The following NEB variants were observed in gnomAD, a reference collection of about 807,000 sequenced individuals.
The protein encoded by NEB is nemaline myopathy type 2.
Under a neutral mutation model 952.2 loss-of-function variants are expected in NEB, and 512 were observed. That is an observed-to-expected ratio of 0.54 (90% CI 0.50 to 0.58). The LOEUF is 0.58. Ranked by LOEUF, NEB falls within the 20% of genes least tolerant of loss-of-function variation. NEB has a pLI of 0.00. For missense variants in NEB, 8,428 were observed against 9,231.1 expected (o/e 0.91, Z 3.56); for synonymous variants, 2,900 against 3,149.8 (o/e 0.92, Z 2.66).
At chr2:151,541,179 G>A (rs927854609) in intron 136 of NEB, among the ~76,000 whole-genome samples, 1 of 152,098 alleles carries the variant, frequency 6.6e-6, no homozygotes, top group Non-Finnish European at 1.5e-5. Flanking sequence ...AGATTCTATA[G>A]AATGATCAAG....
In NEB at chr2:151,568,601, A is replaced by G. The variant is rs1283617493; in HGVS notation, c.17634+17T>C. 1 of 1,580,958 alleles carries G rather than the reference A, an allele frequency of 6.3e-7. No homozygotes were observed. The highest frequency in any genetic ancestry group is 8.6e-7 in the Non-Finnish European group (1 of 1,156,786). On this transcript the variant is annotated intron_variant, in intron 111 of 181. Coordinates refer to ENST00000397345, the MANE Select transcript of NEB (RefSeq NM_001164508.2). ...TATCTGCATCACTGTGAGATTTTAA[A>G]ACAGCCATATACTTACATCATCGAG...
At chr2:151,727,529 A>T (rs928075007) in intron 5 of NEB, among the ~76,000 whole-genome samples, 162 bp downstream of exon 5, 2 of 152,232 alleles carry the variant, frequency 1.3e-5, no homozygotes, top group Non-Finnish European at 2.9e-5. Flanking sequence ...GAATTACATA[A>T]AAGGAAAATT....
chr2:151,672,183 T>C (rs35134482), intron 37 of NEB, among the ~76,000 whole-genome samples, 186 bp downstream of exon 37: 3,768 of 152,294 alleles, frequency 0.025, 69 homozygotes, highest in Middle Eastern at 0.071. Context: ...TCAATAATTA[T>C]GATATAAGCA....
intron 110 of NEB, among the ~76,000 whole-genome samples, 197 bp downstream of exon 110, chr2:151,569,071 T>G (rs548535400): frequency 2.0e-5 from 3 of 152,292 alleles, no homozygotes; most frequent in African/African-American, 4.8e-5. Context: ...CATCAGTGAG[T>G]GTGCTGGATA....
intron 38 of NEB, among the ~76,000 whole-genome samples, chr2:151,670,251 C>G (rs2154188386): frequency 6.6e-6 from 1 of 152,320 alleles, no homozygotes; most frequent in Non-Finnish European, 1.5e-5. Flanking sequence ...AAATCCAAGG[C>G]AAGCAAAGCA....
At chr2:151,630,171 T>C (rs190253948) in intron 67 of NEB, among the ~76,000 whole-genome samples, 10 of 152,316 alleles carry the variant, frequency 6.6e-5, no homozygotes, top group African/African-American at 2.2e-4. Context: ...ATCACAACTT[T>C]CTAAATTTTG....
intron 13 of NEB, among the ~76,000 whole-genome samples, chr2:151,702,309 G>T (rs967267310): frequency 2.0e-5 from 3 of 151,972 alleles, no homozygotes; most frequent in African/African-American, 7.3e-5. Context: ...TTTGGAATAG[G>T]TGTGGTGTGG....
At position 151,639,248 on chromosome 2, in the gene NEB, C is replaced by T. The variant is rs78276723; in HGVS notation, c.8994+32G>A. 2,299 of 1,440,344 alleles carry T rather than the reference C, an allele frequency of 1.6e-3. 48 individuals are homozygous for T. In the African/African-American group the frequency reaches 0.029, roughly 18 times the overall value. 89.2% of individuals were successfully genotyped at this position (1,440,344 alleles called of 1,614,324 possible). On this transcript the variant is annotated intron_variant, in intron 63 of 181. Transcript: ENST00000397345. ...AGAGTAGATCAACTGAAATAAGCAG[C>T]AGTGTGCAAATGTCAAAGAATCTGC...
In NEB at chr2:151,691,782, C is replaced by T. The variant is rs2099553278; in HGVS notation, c.2211+82G>A. 1.1e-5 allele frequency: 11 copies of T among 1,027,690 alleles called. No homozygotes were observed. In the South Asian group the frequency reaches 1.4e-4, roughly 13 times the overall value. The allele number at this position is 1,027,690 out of a possible 1,614,324, so 63.7% of individuals were successfully genotyped here. On this transcript the variant is annotated intron_variant, in intron 23 of 181. Coordinates refer to ENST00000397345, the MANE Select transcript of NEB (RefSeq NM_001164508.2). ...TCTCCTTCTAATCACTAGATATTAG[C>T]ATGTAAACTCCTGCTAAATTTACCA...
Position 151,663,562 on chromosome 2 carries a change from G to A in NEB, c.5749C>T (p.Gln1917Ter). Residue 1917 changes from glutamine to a stop codon, truncating the protein, a stop_gained, in exon 45 of 182, where the codon CAG (glutamine) becomes TAG (stop). Coordinates refer to ENST00000397345, the MANE Select transcript of NEB (RefSeq NM_001164508.2). LOFTEE classifies it high-confidence loss of function. Reference protein sequence around the residue: ...MSFELAKNMMQIQSDNQYKAD... With the variant: ...MSFELAKNMM ...TTTTCACGTACATCACTTTGAATCT[G>A]CATCATATTTTTGGCCAATTCAAAG... is the stretch of plus-strand genomic sequence containing the variant. 6.2e-7 allele frequency: 1 copy of A among 1,609,264 alleles called. No homozygotes were observed.
Position 151,527,484 on chromosome 2 carries a change from G to A in NEB, c.21837C>T (p.Ser7279=), listed in dbSNP as rs759583403. Residue 7279 remains serine, a synonymous_variant, in exon 147 of 182, where the codon AGC becomes AGT. Transcript: ENST00000397345. ...LQAAKSSLQQ[S]DFEYKLDREF... is the part of the protein sequence containing the mutation. ...GTCTGTGTCTCTCCTGTCTTACATC[G>A]CTTTGCTGCAGGGATGACTTGGCAG... The A allele has an allele frequency of 6.2e-6, 10 of 1,610,640 alleles. No homozygotes were observed. Among genetic ancestry groups the A allele is most frequent in the African/African-American group, 2.7e-5 (2 of 74,954 alleles).
intron 52 of NEB, 132 bp downstream of exon 52, chr2:151,653,860 G>T: frequency 3.6e-6 from 2 of 551,084 alleles, no homozygotes; most frequent in South Asian, 3.2e-5. Flanking sequence ...CCGGATAAAT[G>T]AAGAGGGTAG....
At chr2:151,523,856 T>C (rs760185094) in intron 153 of NEB, among the ~76,000 whole-genome samples, 4 of 151,876 alleles carry the variant, frequency 2.6e-5, no homozygotes, top group African/African-American at 4.8e-5. Context: ...CCCTACTTCC[T>C]AGCCCGGGCA....
chr2:151,509,165 C>T (rs2071852986), intron 161 of NEB, among the ~76,000 whole-genome samples: 3 of 152,142 alleles, frequency 2.0e-5, no homozygotes, highest in African/African-American at 7.2e-5. Context: ...AGACAACAAA[C>T]AAGCAGTTTC....
intron 170 of NEB, chr2:151,497,993 G>C: frequency 7.0e-7 from 1 of 1,433,024 alleles, no homozygotes; most frequent in Non-Finnish European, 9.1e-7. Flanking sequence ...ACAATCACAT[G>C]AGGATTTGAG....
chr2:151,688,504 G>A, intron 24 of NEB, 108 bp from the exon 25 acceptor site: 1 of 793,534 alleles, frequency 1.3e-6, no homozygotes, highest in Non-Finnish European at 2.1e-6. Context: ...ATGCCTCAAA[G>A]AGATACTCAA....
In NEB at chr2:151,684,848, T is replaced by G. The variant is rs1448437767; in HGVS notation, c.2765A>C (p.His922Pro). The change falls in exon 28 of 182, where the codon CAC becomes CCC. Residue 922 changes from histidine to proline, a missense_variant. Coordinates refer to ENST00000397345, the MANE Select transcript of NEB (RefSeq NM_001164508.2). Reference sequence around the variant, plus strand: ...GCTATCAGGGGGGTAGCTGTAACTGTGTAAGATGTGCTTATAATCAACGTC... The same window carrying G: ...GCTATCAGGGGGGTAGCTGTAACTGGGTAAGATGTGCTTATAATCAACGTC... ...ASDVDYKHILHSYSYPPDSIN... is the reference protein window; with the variant it reads ...ASDVDYKHILPSYSYPPDSIN... The G allele has an allele frequency of 6.2e-7, 1 of 1,613,472 alleles. No individual in the cohort carries two copies. The highest frequency in any genetic ancestry group is 1.1e-5 in the South Asian group (1 of 90,930).
chr2:151,577,198 C>T (rs185394453), intron 105 of NEB, among the ~76,000 whole-genome samples: 13 of 152,260 alleles, frequency 8.5e-5, no homozygotes, highest in Admixed American at 3.9e-4. Context: ...TCCCATCGGT[C>T]ATAGGATAAA....
At chr2:151,646,100 T>C (rs1326327212) in intron 55 of NEB, 30 bp downstream of exon 55, 1 of 1,482,066 alleles carries the variant, frequency 6.7e-7, no homozygotes, top group Non-Finnish European at 9.2e-7. Flanking sequence ...ATGAGCTTTC[T>C]GAAAACACAT....
Sources: allele counts gnomAD v4.1 joint callset (sites outside exome capture counted in the v4.1 genomes callset), GRCh38; gene constraint gnomAD v4.1.1; transcripts MANE v1.5; gene names NCBI Gene and HGNC (gene_info 2026-07-23, HGNC 2026-07-21).